Variants in SPAG16 observed in about 807,000 individuals in gnomAD.
SPAG16 encodes the protein sperm associated antigen 16.
In SPAG16, 86 loss-of-function variants were observed where a neutral mutation model predicts 80.4. The observed-to-expected ratio is 1.07, with a 90% CI of 0.90 to 1.28. The LOEUF (loss-of-function observed/expected upper bound fraction) is 1.28. SPAG16 is among the 50% of genes most tolerant of loss of function. The probability of loss-of-function intolerance (pLI) is 0.00; values close to 1 mark genes in which losing one functional copy is unlikely to be tolerated. For synonymous variants in SPAG16, 294 were observed against 265.9 expected (o/e 1.11, Z -1.03); for missense variants, 870 against 765.3 (o/e 1.14, Z -1.61).
chr2:214,087,160 G>A (rs533056488), intron 13 of SPAG16, among the ~76,000 whole-genome samples: 4 of 151,944 alleles, frequency 2.6e-5, no homozygotes, highest in Non-Finnish European at 5.9e-5. Flanking sequence ...ATTATATAAA[G>A]GCTCCCATTC....
intron 10 of SPAG16, among the ~76,000 whole-genome samples, chr2:213,576,471 G>C (rs2060129218): frequency 6.6e-6 from 1 of 152,056 alleles, no homozygotes; most frequent in Non-Finnish European, 1.5e-5. Flanking sequence ...TCCCATTACT[G>C]GATATATACC....
At chr2:213,651,342 C>T (rs1359579524) in intron 10 of SPAG16, among the ~76,000 whole-genome samples, 1 of 152,100 alleles carries the variant, frequency 6.6e-6, no homozygotes, top group Non-Finnish European at 1.5e-5. Flanking sequence ...AGTTTAAACC[C>T]ACAAATATGA....
intron 15 of SPAG16, among the ~76,000 whole-genome samples, chr2:214,383,258 C>T (rs993965401): frequency 6.6e-6 from 1 of 152,022 alleles, no homozygotes; most frequent in Non-Finnish European, 1.5e-5. Context: ...TCTAAGAAAT[C>T]AAAAGAGGCC....
intron 15 of SPAG16, chr2:214,281,169 C>A (rs1030040365): frequency 1.2e-5 from 4 of 343,254 alleles, no homozygotes; most frequent in Admixed American, 6.5e-5. Context: ...CAGTACAATA[C>A]GCTGCAGCGT....
chr2:214,052,120 C>T lies in SPAG16; in HGVS notation c.1527+38043C>T, dbSNP rs540558690. On this transcript the variant is annotated intron_variant, in intron 13 of 15. Coordinates refer to ENST00000331683, the MANE Select transcript of SPAG16 (RefSeq NM_024532.5). ...TTATTTACTTTTTCAATTATTATGA[C>T]ATCATTTTTATTGGTAGGACTATTT... Among the ~76,000 whole-genome samples, 8 of 152,236 alleles carry T rather than the reference C, an allele frequency of 5.3e-5. No homozygotes were observed. The South Asian group carries it at 1.7e-3, about 32-fold the overall frequency.
At chr2:213,543,145 A>G (rs953677591) in intron 10 of SPAG16, among the ~76,000 whole-genome samples, 2 of 152,106 alleles carry the variant, frequency 1.3e-5, no homozygotes, top group African/African-American at 4.8e-5. Flanking sequence ...AAATTCCTTG[A>G]AAGACACAAA....
In SPAG16 at chr2:214,357,561, C is replaced by G. The variant is rs1027765409; in HGVS notation, c.1721-52579C>G. Reference sequence around the variant, plus strand: ...TTGTGGAAATGCTATTTTGTTCTCTCTAAAATGTGACTAGACATTTGTATA... The same window carrying G: ...TTGTGGAAATGCTATTTTGTTCTCTGTAAAATGTGACTAGACATTTGTATA... On this transcript the variant is annotated intron_variant, in intron 15 of 15. Transcript: ENST00000331683. Among the ~76,000 whole-genome samples, 5 of 151,894 alleles carry G rather than the reference C, an allele frequency of 3.3e-5. No homozygotes were observed. In the South Asian group the frequency reaches 8.3e-4, roughly 25 times the overall value.
chr2:214,075,136 A>G (rs954476692), intron 13 of SPAG16, among the ~76,000 whole-genome samples: 28 of 151,936 alleles, frequency 1.8e-4, no homozygotes, highest in Middle Eastern at 3.4e-3. Flanking sequence ...TCTGTACCCT[A>G]GCTTTTTTTT....
At chr2:213,885,296 T>A (rs1175912981) in intron 11 of SPAG16, among the ~76,000 whole-genome samples, 2 of 152,166 alleles carry the variant, frequency 1.3e-5, no homozygotes, top group Non-Finnish European at 2.9e-5. Flanking sequence ...TAATGACCAG[T>A]AGATATGGTT....
rs148979298 is a variant in SPAG16 at position 213,605,196 on chromosome 2, C to T, written c.1070+115106C>T. Among the ~76,000 whole-genome samples the T allele has an allele frequency of 8.6e-5, 13 of 152,028 alleles. No individual in the cohort carries two copies. The East Asian group carries it at 2.5e-3, about 29-fold the overall frequency. ...TCACACTTTATATATGTCCACCCAA[C>T]TATCTCAAAATACTGGATAATTTTG... On this transcript the variant is annotated intron_variant, in intron 10 of 15. Coordinates refer to ENST00000331683, the MANE Select transcript of SPAG16 (RefSeq NM_024532.5).
chr2:213,445,128 G>A (rs1165896244), intron 9 of SPAG16, among the ~76,000 whole-genome samples: 1 of 152,052 alleles, frequency 6.6e-6, no homozygotes, highest in Non-Finnish European at 1.5e-5. Flanking sequence ...TAAAACACAG[G>A]TGACCAAAGC....
At chr2:213,833,750 T>C (rs2073929419) in intron 10 of SPAG16, among the ~76,000 whole-genome samples, 1 of 146,708 alleles carries the variant, frequency 6.8e-6, no homozygotes, top group Non-Finnish European at 1.5e-5. Context: ...ACTTAAATGC[T>C]CTTACTTCTA....
chr2:213,286,786 T>G (rs1438569652), intron 1 of SPAG16, among the ~76,000 whole-genome samples: 1 of 152,246 alleles, frequency 6.6e-6, no homozygotes, highest in Non-Finnish European at 1.5e-5. Context: ...AGAAGTTGAC[T>G]TGAATTCTTT....
intron 9 of SPAG16, among the ~76,000 whole-genome samples, chr2:213,400,339 C>T (rs339819): frequency 0.026 from 3,898 of 152,194 alleles, 160 homozygotes; most frequent in African/African-American, 0.088. Flanking sequence ...TTATATGTAG[C>T]ATTTTAATTT....
intron 9 of SPAG16, among the ~76,000 whole-genome samples, chr2:213,429,383 C>T (rs1311743217): frequency 6.6e-6 from 1 of 152,070 alleles, no homozygotes; most frequent in Non-Finnish European, 1.5e-5. Flanking sequence ...CAATGCTGGA[C>T]CACAGGACCC....
chr2:213,972,285 A>G (rs1356543980), intron 12 of SPAG16, among the ~76,000 whole-genome samples: 1 of 150,526 alleles, frequency 6.6e-6, no homozygotes, highest in Non-Finnish European at 1.5e-5. Context: ...AATTATACAT[A>G]TAAATATATA....
At position 214,019,965 on chromosome 2, in the gene SPAG16, T is replaced by G. The variant is rs1027851693; in HGVS notation, c.1527+5888T>G. Among the ~76,000 whole-genome samples the G allele has an allele frequency of 5.9e-5, 9 of 152,166 alleles. No individual in the cohort carries two copies. In the East Asian group the frequency reaches 1.7e-3, roughly 29 times the overall value. On this transcript the variant is annotated intron_variant, in intron 13 of 15. Coordinates refer to ENST00000331683, the MANE Select transcript of SPAG16 (RefSeq NM_024532.5). ...ATTCTATATAACTATAGCTTTGGTTTTTCTGTGCCAAAGCTCACTGTCTCA... is the reference window on the plus strand; with the variant it reads ...ATTCTATATAACTATAGCTTTGGTTGTTCTGTGCCAAAGCTCACTGTCTCA...
At chr2:214,312,784 G>C (rs544853977) in intron 15 of SPAG16, among the ~76,000 whole-genome samples, 1 of 152,216 alleles carries the variant, frequency 6.6e-6, no homozygotes, top group Admixed American at 6.5e-5. Context: ...GTATCATTTA[G>C]ATATTCTAAG....
At chr2:214,197,837 T>C (rs1032825340) in intron 15 of SPAG16, among the ~76,000 whole-genome samples, 4 of 151,766 alleles carry the variant, frequency 2.6e-5, no homozygotes, top group Non-Finnish European at 4.4e-5. Context: ...ATAAAGTGAA[T>C]ATTAAACACC....
Sources: allele counts gnomAD v4.1 joint callset (sites outside exome capture counted in the v4.1 genomes callset), GRCh38; gene constraint gnomAD v4.1.1; transcripts MANE v1.5; gene names NCBI Gene and HGNC (gene_info 2026-07-23, HGNC 2026-07-21).